CHODL: variants seen among roughly 807,000 people sequenced by gnomAD.
CHODL encodes the protein transmembrane protein MT75.
In CHODL, 29 loss-of-function variants were observed where a neutral mutation model predicts 34.5. The ratio of observed to expected loss-of-function variants is 0.84; its 90% CI spans 0.63 to 1.15. CHODL has a LOEUF of 1.15. Among genes scored for constraint, CHODL ranks in the 50% most tolerant of loss-of-function variants. The probability of loss-of-function intolerance (pLI) is 0.00; values close to 1 mark genes in which losing one functional copy is unlikely to be tolerated. For missense variants in CHODL, 332 were observed against 332.5 expected (o/e 1.00, Z 0.01); for synonymous variants, 125 against 116.1 (o/e 1.08, Z -0.49).
At chr21:18,125,607 A>AC (rs576098076) in intron 2 of CHODL, among the ~76,000 whole-genome samples, 1 of 151,204 alleles carries the variant, frequency 6.6e-6, no homozygotes, top group South Asian at 2.1e-4. Flanking sequence ...TTAATTAATT[A>AC]ATTTTTGAGA....
intron 2 of CHODL, among the ~76,000 whole-genome samples, chr21:18,055,779 C>T (rs1415238398): frequency 1.3e-5 from 2 of 151,974 alleles, no homozygotes; most frequent in African/African-American, 2.4e-5. Flanking sequence ...TTATCTGGTC[C>T]ACAGTGACAG....
At chr21:18,265,130 C>T (rs2074437290) in intron 5 of CHODL, among the ~76,000 whole-genome samples, 1 of 150,940 alleles carries the variant, frequency 6.6e-6, no homozygotes, top group Admixed American at 6.6e-5. Context: ...GGAACCAACC[C>T]AAATGCCCAT....
chr21:18,003,131 AAAAAC>A (rs1227838991), intron 1 of CHODL, among the ~76,000 whole-genome samples: 7 of 128,846 alleles, frequency 5.4e-5, no homozygotes, highest in African/African-American at 1.9e-4. Flanking sequence ...CAAAAAAAAA[AAAAAC>A]AAAAAAAAAA....
intron 1 of CHODL, among the ~76,000 whole-genome samples, chr21:17,919,444 C>T (rs1170780785): frequency 1.3e-5 from 2 of 152,148 alleles, no homozygotes; most frequent in Non-Finnish European, 2.9e-5. Context: ...GGGATTCCAC[C>T]CTCTGAAGCA....
intron 5 of CHODL, 135 bp downstream of exon 5, chr21:18,263,028 T>C (rs2074401683): frequency 1.7e-6 from 1 of 587,168 alleles, no homozygotes; most frequent in Admixed American, 2.9e-5. Flanking sequence ...TCTAATAAGA[T>C]ATACATTGAG....
intron 2 of CHODL, among the ~76,000 whole-genome samples, chr21:18,161,599 AT>A (rs1368916888): frequency 1.3e-5 from 2 of 151,652 alleles, no homozygotes; most frequent in Non-Finnish European, 2.9e-5. Flanking sequence ...TTTACTTTTT[AT>A]TTTTTTCCTT....
At chr21:18,015,575 A>G (rs1421682355) in intron 1 of CHODL, among the ~76,000 whole-genome samples, 2 of 152,154 alleles carry the variant, frequency 1.3e-5, no homozygotes, top group African/African-American at 4.8e-5. Flanking sequence ...TTGGAATTGG[A>G]TAATGGGCAG....
chr21:18,155,561 A>G (rs2073024359), intron 2 of CHODL, among the ~76,000 whole-genome samples: 1 of 152,244 alleles, frequency 6.6e-6, no homozygotes, highest in African/African-American at 2.4e-5. Context: ...ACATCTTCCA[A>G]GAAGAATGTG....
chr21:18,226,376 C>A (rs1001366462), intron 2 of CHODL, among the ~76,000 whole-genome samples: 2 of 152,152 alleles, frequency 1.3e-5, no homozygotes, highest in Admixed American at 6.6e-5. Context: ...TCTCAGCTCA[C>A]TGCAACCTTC....
intron 1 of CHODL, among the ~76,000 whole-genome samples, chr21:17,984,274 A>G (rs1263216060): frequency 6.6e-6 from 1 of 152,130 alleles, no homozygotes; most frequent in African/African-American, 2.4e-5. Context: ...TCCTTTATCT[A>G]TTTATCTGTC....
intron 1 of CHODL, among the ~76,000 whole-genome samples, chr21:17,998,234 C>T (rs1229070534): frequency 6.6e-6 from 1 of 152,228 alleles, no homozygotes; most frequent in Non-Finnish European, 1.5e-5. Context: ...CTTCAGGTCT[C>T]ACACCCAGGT....
intron 2 of CHODL, among the ~76,000 whole-genome samples, chr21:18,109,431 T>A (rs1475166394): frequency 6.6e-6 from 1 of 152,042 alleles, no homozygotes; most frequent in African/African-American, 2.4e-5. Context: ...AGACTCTATT[T>A]TGAAGGTGAT....
chr21:17,960,647 A>G (rs2063525278), intron 1 of CHODL, among the ~76,000 whole-genome samples: 1 of 152,130 alleles, frequency 6.6e-6, no homozygotes, highest in African/African-American at 2.4e-5. Flanking sequence ...TTATCTCCTC[A>G]AATTTGGTGT....
chr21:18,058,825 C>G (rs1374897661), intron 2 of CHODL, among the ~76,000 whole-genome samples: 1 of 152,138 alleles, frequency 6.6e-6, no homozygotes, highest in Non-Finnish European at 1.5e-5. Flanking sequence ...GCCTCCTTTA[C>G]AGGATAATTC....
intron 2 of CHODL, among the ~76,000 whole-genome samples, chr21:18,102,844 G>A (rs2146547262): frequency 6.6e-6 from 1 of 152,216 alleles, no homozygotes; most frequent in African/African-American, 2.4e-5. Context: ...AGAAAAATGG[G>A]ATGCTATAAA....
At chr21:18,260,324 G>A (rs1017501053) in intron 4 of CHODL, 38 bp downstream of exon 4, 39 of 1,298,610 alleles carry the variant, frequency 3.0e-5, no homozygotes, top group Non-Finnish European at 4.1e-5. Context: ...ATCAAGAACT[G>A]AACTGTACTT....
At chr21:18,108,877 TCTAA>T (rs2065311113) in intron 2 of CHODL, among the ~76,000 whole-genome samples, 4 of 146,924 alleles carry the variant, frequency 2.7e-5, no homozygotes, top group East Asian at 1.9e-4. Flanking sequence ...GTGTGTTTCT[TCTAA>T]CTTTTTCTTT....
Position 18,245,174 on chromosome 21 carries a change from C to A in CHODL, c.-50C>A. 2 of 1,317,794 alleles carry A rather than the reference C, an allele frequency of 1.5e-6. No homozygotes were observed. The highest frequency in any genetic ancestry group is 2.0e-6 in the Non-Finnish European group (2 of 991,686). 81.6% of individuals were successfully genotyped at this position (1,317,794 alleles called of 1,614,324 possible). A position where few individuals can be genotyped will look rare whatever the true frequency, so the allele number is the denominator to read the frequency against. On this transcript the variant is annotated 5_prime_UTR_variant, in exon 1 of 6. Transcript: ENST00000299295. ...TCAGAGTCGCGGGCTGCGCCCTGGGCAGAGGCCGCCCTCGCTCCACGCAAC... is the reference window on the plus strand; with the variant it reads ...TCAGAGTCGCGGGCTGCGCCCTGGGAAGAGGCCGCCCTCGCTCCACGCAAC...
intron 1 of CHODL, among the ~76,000 whole-genome samples, chr21:18,248,102 C>T (rs2207389): frequency 0.041 from 6,175 of 151,500 alleles, 406 homozygotes; most frequent in African/African-American, 0.14. Flanking sequence ...TTTCATGGTG[C>T]TTCCAGATTT....
Sources: gnomAD v4.1 joint callset for allele counts (sites outside exome capture counted in the v4.1 genomes callset) on GRCh38, gnomAD v4.1.1 for gene constraint, MANE v1.5 for transcripts, NCBI Gene and HGNC (gene_info 2026-07-23, HGNC 2026-07-21) for gene names.